The following MFGE8 variants were observed in gnomAD, a reference collection of about 807,000 sequenced individuals.
The protein encoded by MFGE8 is lactadherin.
MFGE8 carries 34 observed loss-of-function variants against 42.6 expected under a neutral mutation model. The ratio of observed to expected loss-of-function variants is 0.80; its 90% CI spans 0.61 to 1.06. MFGE8 has a LOEUF of 1.06. Among genes scored for constraint, MFGE8 ranks in the 50% least tolerant of loss-of-function variants. The probability of loss-of-function intolerance (pLI) is 0.00; values close to 1 mark genes in which losing one functional copy is unlikely to be tolerated. For missense variants in MFGE8, 510 were observed against 516.9 expected (o/e 0.99, Z 0.13); for synonymous variants, 230 against 214.8 (o/e 1.07, Z -0.62).
chr15:88,899,331 G>A lies in MFGE8; in HGVS notation c.*64C>T. 1.2e-6 allele frequency: 2 copies of A among 1,606,720 alleles called. No individual in the cohort carries two copies. Among genetic ancestry groups the A allele is most frequent in the Non-Finnish European group, 1.7e-6 (2 of 1,178,396 alleles). On this transcript the variant is annotated 3_prime_UTR_variant, in exon 8 of 8. Transcript: ENST00000268150. The surrounding 1 kb of genome is among the most constrained non-coding windows in gnomAD (Gnocchi z 6.8). Reference sequence around the variant, plus strand: ...CCCAGCCCTATGGTGATTTAAAGGGGCTGAGAAGCCAAGAGGCAGCGGGCC... The same window carrying A: ...CCCAGCCCTATGGTGATTTAAAGGGACTGAGAAGCCAAGAGGCAGCGGGCC...
rs116657279 is a variant in MFGE8 at position 88,899,555 on chromosome 15, G to C, written c.1027-23C>G. On this transcript the variant is annotated intron_variant, in intron 7 of 7. Coordinates refer to ENST00000268150, the MANE Select transcript of MFGE8 (RefSeq NM_005928.4). This position sits in a 1 kb window ranked among gnomAD's most constrained non-coding sequence, Gnocchi z 6.8. ...GATCTAGAGGCAGAGCGGGTGTCAG[G>C]AGGACCCCGAGCCAGCCCCCCTCCC... The C allele has an allele frequency of 1.9e-6, 3 of 1,614,030 alleles. No individual in the cohort carries two copies. The highest frequency in any genetic ancestry group is 2.7e-5 in the African/African-American group (2 of 74,904).
chr15:88,898,705 A>G lies in MFGE8; in HGVS notation c.*690T>C, dbSNP rs1898223533. On this transcript the variant is annotated 3_prime_UTR_variant, in exon 8 of 8. Coordinates refer to ENST00000268150, the MANE Select transcript of MFGE8 (RefSeq NM_005928.4). ...GAGTTCCCGTGAAGAAGATAAATAT[A>G]TTTTGGAAGCTGCCTGTGTCCTCTG... The G allele has an allele frequency of 6.5e-6, 1 of 153,072 alleles. No individual in the cohort carries two copies. The highest frequency in any genetic ancestry group is 2.1e-4 in the South Asian group (1 of 4,858). 9.5% of individuals were successfully genotyped at this position (153,072 alleles called of 1,614,324 possible).
At position 88,913,227 on chromosome 15, in the gene MFGE8, G is replaced by T; in HGVS notation, c.73+20C>A. The T allele has an allele frequency of 6.7e-7, 1 of 1,500,118 alleles. No homozygotes were observed. The highest frequency in any genetic ancestry group is 1.4e-5 in the African/African-American group (1 of 69,390). The allele number at this position is 1,500,118 out of a possible 1,614,324, so 92.9% of individuals were successfully genotyped here. A position where few individuals can be genotyped will look rare whatever the true frequency, so the allele number is the denominator to read the frequency against. On this transcript the variant is annotated intron_variant, in intron 1 of 7. Transcript: ENST00000268150. ...GCGGGGAGGAGGGGCGAGGGGCAGA[G>T]GGCGGCGCGATCCACTCACCCAGGG...
At chr15:88,901,253 G>A (rs374132879) in intron 6 of MFGE8, among the ~76,000 whole-genome samples, 7 of 96,590 alleles carry the variant, frequency 7.2e-5, no homozygotes, top group East Asian at 2.6e-4. Flanking sequence ...TCACACGCAC[G>A]CATTCACACG....
At position 88,906,379 on chromosome 15, in the gene MFGE8, C is replaced by A; in HGVS notation, c.540+247G>T. On this transcript the variant is annotated intron_variant, in intron 4 of 7. Coordinates refer to ENST00000268150, the MANE Select transcript of MFGE8 (RefSeq NM_005928.4). This position sits in a 1 kb window ranked among gnomAD's most constrained non-coding sequence, Gnocchi z 4.2. ...AACCCAGCTCCACCACCACTATCAC[C>A]CTCAACAGGTCACTGTGCCATTTTG... 2 of 529,582 alleles carry A rather than the reference C, an allele frequency of 3.8e-6. No homozygotes were observed. Among genetic ancestry groups the A allele is most frequent in the Non-Finnish European group, 6.9e-6 (2 of 290,084 alleles). The allele number at this position is 529,582 out of a possible 1,614,324, so 32.8% of individuals were successfully genotyped here.
chr15:88,899,242 A>G lies in MFGE8; in HGVS notation c.*153T>C, dbSNP rs943694467. On this transcript the variant is annotated 3_prime_UTR_variant, in exon 8 of 8. Transcript: ENST00000268150. The surrounding 1 kb of genome is among the most constrained non-coding windows in gnomAD (Gnocchi z 6.8). ...GGGCCCGTGAGAGGTGGAGGGTGGG[A>G]AAGAGGGAGGGAGGGGTGACTGTGT... The G allele has an allele frequency of 2.4e-4, 248 of 1,035,146 alleles. 3 individuals carry two copies. The South Asian group carries it at 3.4e-3, about 14-fold the overall frequency. The allele number at this position is 1,035,146 out of a possible 1,614,324, so 64.1% of individuals were successfully genotyped here. A position where few individuals can be genotyped will look rare whatever the true frequency, so the allele number is the denominator to read the frequency against.
rs750819532 is a variant in MFGE8, at chr15:88,907,369, G to A, written c.213C>T (p.Val71=). The A allele has an allele frequency of 2.4e-5, 38 of 1,613,912 alleles. No individual in the cohort carries two copies. The highest frequency in any genetic ancestry group is 1.6e-4 in the African/African-American group (12 of 74,904). The change falls in exon 3 of 8, where the codon GTC becomes GTT. Residue 71 remains valine, a synonymous_variant. Transcript: ENST00000268150. ...YAGNHCETKC[V]EPLGLENGNI... ...TCCCATTCTCCAGGCCCAGTGGCTC[G>A]ACACATTCTGAGGGAAGGGAGGTGG...
rs989017617 is a variant in MFGE8, at chr15:88,903,049, C to G, written c.686-1314G>C. On this transcript the variant is annotated intron_variant, in intron 5 of 7. Transcript: ENST00000268150. The surrounding 1 kb of genome is among the most constrained non-coding windows in gnomAD (Gnocchi z 4.9). ...TGATGCACCAGGGAACCACCACCTT[C>G]CCCCTCAAAGAGAGGCTCCCGGGCT... The G allele has an allele frequency of 5.3e-5, 8 of 152,346 alleles. No homozygotes were observed. The highest frequency in any genetic ancestry group is 1.9e-4 in the African/African-American group (8 of 41,564). The allele number at this position is 152,346 out of a possible 1,614,324, so 9.4% of individuals were successfully genotyped here.
Position 88,909,874 on chromosome 15 carries a change from AATCTCCTCGC to A in MFGE8, c.113_122del (p.Cys38PhefsTer53). The A allele has an allele frequency of 2.5e-6, 4 of 1,614,168 alleles. No homozygotes were observed. Among genetic ancestry groups the A allele is most frequent in the Non-Finnish European group, 2.5e-6 (3 of 1,180,026 alleles). ...AGACATCTCCTCGCACTTCTTGGGA[AATCTCCTCGC>A]ATAAACCACCGTTGTGGCAGGGGTT... On this transcript the variant is annotated frameshift_variant, in exon 2 of 8. Transcript: ENST00000268150. LOFTEE classifies it high-confidence loss of function.
chr15:88,901,442 C>G (rs1567215194), intron 6 of MFGE8, 109 bp downstream of exon 6: 2 of 1,089,248 alleles, frequency 1.8e-6, no homozygotes, highest in Middle Eastern at 6.0e-4. Context: ...TTTTCCAGAA[C>G]TCTTTTGGGG....
At chr15:88,912,001 CTTGGG>C in intron 1 of MFGE8, 1 of 691,432 alleles carries the variant, frequency 1.4e-6, no homozygotes, top group South Asian at 1.6e-5. Flanking sequence ...CAGACAGAGG[CTTGGG>C]TTGGGAATGG....
rs1280021387 is a variant in MFGE8, at chr15:88,899,370, A to G, written c.*25T>C. 1.9e-6 allele frequency: 3 copies of G among 1,613,522 alleles called. No individual in the cohort carries two copies. The highest frequency in any genetic ancestry group is 2.5e-6 in the Non-Finnish European group (3 of 1,179,940). ...AGGCAGCGGGCCCATGGAAAGCAGG[A>G]AGACCTGGGGGTGGCAGGTGGCCAC... On this transcript the variant is annotated 3_prime_UTR_variant, in exon 8 of 8. Coordinates refer to ENST00000268150, the MANE Select transcript of MFGE8 (RefSeq NM_005928.4). This position sits in a 1 kb window ranked among gnomAD's most constrained non-coding sequence, Gnocchi z 6.8.
rs756076150 is a variant in MFGE8, at chr15:88,909,847, G to A, written c.150C>T (p.Phe50=). ...EISQEVRGDV[F]PSYTCTCLKG... ...TAAGGCACGTGCAGGTGTACGAGGG[G>A]AAGACATCTCCTCGCACTTCTTGGG... Residue 50 remains phenylalanine, a synonymous_variant, in exon 2 of 8, where the codon TTC becomes TTT. Coordinates refer to ENST00000268150, the MANE Select transcript of MFGE8 (RefSeq NM_005928.4). 3.1e-6 allele frequency: 5 copies of A among 1,614,124 alleles called. No homozygotes were observed. Among genetic ancestry groups the A allele is most frequent in the Admixed American group, 1.7e-5 (1 of 60,012 alleles).
chr15:88,906,737 C>A lies in MFGE8; in HGVS notation c.429G>T (p.Thr143=). ...GACTGGCCAAGCGGCTGGCACCCTG[C>A]GTCACCACACCTGTTACCCACATCC... The part of the protein sequence containing the change: ...LRRMWVTGVV[T]QGASRLASHE... Residue 143 remains threonine (T), a synonymous_variant, in exon 4 of 8, where the codon ACG becomes ACT. Coordinates refer to ENST00000268150, the MANE Select transcript of MFGE8 (RefSeq NM_005928.4). This position sits in a 1 kb window ranked among gnomAD's most constrained non-coding sequence, Gnocchi z 4.2. 1 of 1,613,588 alleles carries A rather than the reference C, an allele frequency of 6.2e-7. No homozygotes were observed. The highest frequency in any genetic ancestry group is 1.1e-5 in the South Asian group (1 of 91,040).
intron 5 of MFGE8, chr15:88,901,975 C>G: frequency 1.9e-6 from 1 of 538,692 alleles, no homozygotes; most frequent in East Asian, 3.4e-5. Context: ...CCCAAGACCT[C>G]CCACTCACCA....
In MFGE8 at chr15:88,907,278, C is replaced by T. The variant is rs1430044318; in HGVS notation, c.304G>A (p.Val102Ile). ...CGGTTCAGGCGGGCCAGCTCCGGGACCCAATGCTGCAAACCCAAGAAGGTC... is the reference window on the plus strand; with the variant it reads ...CGGTTCAGGCGGGCCAGCTCCGGGATCCAATGCTGCAAACCCAAGAAGGTC... ...RVTFLGLQHW[V>I]PELARLNRAG... is the part of the protein sequence containing the mutation. Residue 102 changes from valine (V) to isoleucine (I), a missense_variant, in exon 3 of 8, where the codon GTC becomes ATC. Physicochemically the swap from Val to Ile is conservative, Grantham distance 29. Coordinates refer to ENST00000268150, the MANE Select transcript of MFGE8 (RefSeq NM_005928.4). 1 of 1,614,160 alleles carries T rather than the reference C, an allele frequency of 6.2e-7. No homozygotes were observed. Among genetic ancestry groups the T allele is most frequent in the Non-Finnish European group, 8.5e-7 (1 of 1,180,038 alleles).
rs1364247956 is a variant in MFGE8, at chr15:88,899,183, G to C, written c.*212C>G. 1.5e-6 allele frequency: 1 copy of C among 648,264 alleles called. No individual in the cohort carries two copies. Among genetic ancestry groups the C allele is most frequent in the Non-Finnish European group, 2.7e-6 (1 of 374,302 alleles). 40.2% of individuals were successfully genotyped at this position (648,264 alleles called of 1,614,324 possible). On this transcript the variant is annotated 3_prime_UTR_variant, in exon 8 of 8. Transcript: ENST00000268150. The surrounding 1 kb of genome is among the most constrained non-coding windows in gnomAD (Gnocchi z 6.8). Reference sequence around the variant, plus strand: ...CTAAGAAAACAGGACAGTGAGGACTGGGGGTTAGGGGACGGGGCTTAGGGG... The same window carrying C: ...CTAAGAAAACAGGACAGTGAGGACTCGGGGTTAGGGGACGGGGCTTAGGGG...
intron 6 of MFGE8, among the ~76,000 whole-genome samples, chr15:88,901,148 TTCTC>T (rs375600880): frequency 0.15 from 7,690 of 51,826 alleles, 1,267 homozygotes; most frequent in Middle Eastern, 0.28. Context: ...CACACACACA[TTCTC>T]ACACACACAT....
chr15:88,900,605 AGCTGCACCT>A, intron 6 of MFGE8: 1 of 601,914 alleles, frequency 1.7e-6, no homozygotes, highest in Non-Finnish European at 2.1e-6. Context: ...AGAACCTGCC[AGCTGCACCT>A]GGACACACAG....
Sources: gnomAD v4.1 joint callset for allele counts (sites outside exome capture counted in the v4.1 genomes callset) on GRCh38, gnomAD v4.1.1 for gene constraint, Gnocchi (gnomAD v3.1) non-coding constraint, MANE v1.5 for transcripts, NCBI Gene and HGNC (gene_info 2026-07-23, HGNC 2026-07-21) for gene names.